The following SLCO1B1 variants were observed in gnomAD, a reference collection of about 807,000 sequenced individuals.
The protein encoded by SLCO1B1 is solute carrier organic anion transporter family member 1B1.
In SLCO1B1, 81 loss-of-function variants were observed where a neutral mutation model predicts 70.1. The observed-to-expected ratio is 1.16, with a 90% CI of 0.97 to 1.39. The LOEUF (loss-of-function observed/expected upper bound fraction) is 1.39. SLCO1B1 is among the 40% of genes most tolerant of loss of function. The pLI is 0.00. For synonymous variants in SLCO1B1, 283 were observed against 271.5 expected, an observed-to-expected ratio of 1.04 and a Z score of -0.42; for missense variants, 895 against 799.6, an observed-to-expected ratio of 1.12 and a Z score of -1.44.
At chr12:21,148,492 G>A (rs1301589666) in intron 2 of SLCO1B1, among the ~76,000 whole-genome samples, 1 of 151,862 alleles carries the variant, frequency 6.6e-6, no homozygotes, top group African/African-American at 2.4e-5. Flanking sequence ...GCTTTTTTTG[G>A]TCAGACTTGT....
intron 2 of SLCO1B1, among the ~76,000 whole-genome samples, chr12:21,147,045 T>C (rs939417373): frequency 5.9e-5 from 9 of 152,176 alleles, no homozygotes; most frequent in Non-Finnish European, 1.2e-4. Flanking sequence ...AGTGTATTCA[T>C]TTATTTCTCC....
In SLCO1B1 at chr12:21,178,606, G is replaced by A. The variant is rs985933022; in HGVS notation, c.512G>A (p.Trp171Ter). 6.2e-6 allele frequency: 10 copies of A among 1,607,734 alleles called. No homozygotes were observed. Among genetic ancestry groups the A allele is most frequent in the Non-Finnish European group, 8.5e-6 (10 of 1,174,442 alleles). ...GCLKESGSYMWIYVFMGNMLR... is the reference protein window; with the variant it reads ...GCLKESGSYM ...TTAAAGGAATCTGGGTCATACATGT[G>A]GATATATGTGTTCATGGGTAATATG... Residue 171 changes from tryptophan to a stop codon, truncating the protein, a stop_gained, in exon 6 of 15, where the codon TGG (tryptophan) becomes TAG (stop). Coordinates refer to ENST00000256958, the MANE Select transcript of SLCO1B1 (RefSeq NM_006446.5). LOFTEE classifies it high-confidence loss of function.
chr12:21,148,932 C>A (rs1218929689), intron 2 of SLCO1B1, among the ~76,000 whole-genome samples: 1 of 151,986 alleles, frequency 6.6e-6, no homozygotes, highest in African/African-American at 2.4e-5. Context: ...TTGAAGAGGT[C>A]CCTCACACCC....
chr12:21,232,555 ATT>A (rs147291781), intron 14 of SLCO1B1, among the ~76,000 whole-genome samples: 12,413 of 152,200 alleles, frequency 0.082, 769 homozygotes, highest in East Asian at 0.27. Context: ...TACTTTCTAC[ATT>A]CTTTCCTATG....
At chr12:21,224,921 T>C in intron 14 of SLCO1B1, 82 bp downstream of exon 14, 1 of 721,986 alleles carries the variant, frequency 1.4e-6, no homozygotes. Context: ...TATATAATAA[T>C]ATTAATAATG....
chr12:21,200,153 C>G (rs1941139666), intron 8 of SLCO1B1, among the ~76,000 whole-genome samples: 1 of 152,058 alleles, frequency 6.6e-6, no homozygotes, highest in Non-Finnish European at 1.5e-5. Context: ...CAGTTGAAAA[C>G]CTAACATTTG....
chr12:21,219,014 T>A (rs1002303835), intron 12 of SLCO1B1, among the ~76,000 whole-genome samples: 1 of 152,208 alleles, frequency 6.6e-6, no homozygotes, highest in Non-Finnish European at 1.5e-5. Context: ...ATTTTTTATG[T>A]CAGGCATAGT....
At chr12:21,178,786 A>G in intron 6 of SLCO1B1, 64 bp downstream of exon 6, 1 of 1,469,124 alleles carries the variant, frequency 6.8e-7, no homozygotes, top group Non-Finnish European at 9.5e-7. Flanking sequence ...GAAATAGTAG[A>G]GTTACTAAAC....
At chr12:21,202,040 T>C (rs879838750) in intron 9 of SLCO1B1, among the ~76,000 whole-genome samples, 1 of 152,146 alleles carries the variant, frequency 6.6e-6, no homozygotes, top group Non-Finnish European at 1.5e-5. Flanking sequence ...TAAAAAAGAA[T>C]GAGTTTATGT....
intron 8 of SLCO1B1, among the ~76,000 whole-genome samples, chr12:21,199,189 A>G (rs1941129101): frequency 6.6e-6 from 1 of 152,146 alleles, no homozygotes; most frequent in African/African-American, 2.4e-5. Flanking sequence ...AGTTCTGACC[A>G]TATCTAATGA....
chr12:21,232,731 G>GAA (rs201831154), intron 14 of SLCO1B1, among the ~76,000 whole-genome samples: 52,112 of 148,542 alleles, frequency 0.35, 9,292 homozygotes, highest in East Asian at 0.46. Context: ...GAGAGACAGA[G>GAA]AGACAGAGAA....
rs191349236 is a variant in SLCO1B1, at chr12:21,187,860, A to G, written c.727+8840A>G. 8.5e-5 allele frequency among the ~76,000 whole-genome samples: 13 copies of G among 152,314 alleles called. No homozygotes were observed. The East Asian group carries it at 2.5e-3, about 29-fold the overall frequency. On this transcript the variant is annotated intron_variant, in intron 7 of 14. Transcript: ENST00000256958. ...GATATCGGTATTGGAGAAATTCAAGAGCTAATTCATACCTCATCAGGGAAG... is the reference window on the plus strand; with the variant it reads ...GATATCGGTATTGGAGAAATTCAAGGGCTAATTCATACCTCATCAGGGAAG...
Position 21,217,288 on chromosome 12 carries a change from T to C in SLCO1B1, c.1667T>C (p.Val556Ala), listed in dbSNP as rs1428437905. ...FFSALGGTSH[V>A]MLIVKIVQPE... ...TCTGCACTTGGAGGCACCTCACATG[T>C]CATGCTGATTGTTAAGTAAGTATGA... Residue 556 changes from valine to alanine, a missense_variant, in exon 12 of 15, where the codon GTC (valine) becomes GCC (alanine). Val to Ala is a moderately conservative substitution (Grantham distance 64). Coordinates refer to ENST00000256958, the MANE Select transcript of SLCO1B1 (RefSeq NM_006446.5). 3.7e-6 allele frequency: 6 copies of C among 1,613,612 alleles called. No individual in the cohort carries two copies. Among genetic ancestry groups the C allele is most frequent in the Middle Eastern group, 1.7e-4 (1 of 6,054 alleles).
At chr12:21,131,749 A>G (rs1211719681) in intron 1 of SLCO1B1, among the ~76,000 whole-genome samples, 1 of 152,112 alleles carries the variant, frequency 6.6e-6, no homozygotes, top group Non-Finnish European at 1.5e-5. Context: ...CTCAAGTTTG[A>G]TACAGGGTGA....
chr12:21,200,808 CAA>C lies in SLCO1B1; in HGVS notation c.1135+138_1135+139del, dbSNP rs576961950. ...AGTATAATTTTCTTGTATTCTTTCT[CAA>C]ATGTTATTAAACATATAAAACTTGT... is the stretch of plus-strand genomic sequence containing the variant. On this transcript the variant is annotated intron_variant, in intron 9 of 14. Transcript: ENST00000256958. 1,110 of 695,332 alleles carry C rather than the reference CAA, an allele frequency of 1.6e-3. 2 individuals carry two copies. Among genetic ancestry groups the C allele is most frequent in the Non-Finnish European group, 2.1e-3 (931 of 442,464 alleles). The allele number at this position is 695,332 out of a possible 1,614,324, so 43.1% of individuals were successfully genotyped here.
At chr12:21,166,268 A>G (rs1940684196) in intron 2 of SLCO1B1, among the ~76,000 whole-genome samples, 1 of 152,166 alleles carries the variant, frequency 6.6e-6, no homozygotes, top group Middle Eastern at 3.2e-3. Context: ...AAGGCCAAAA[A>G]AATAAAAATA....
At chr12:21,216,315 G>A (rs1490920602) in intron 11 of SLCO1B1, among the ~76,000 whole-genome samples, 1 of 152,060 alleles carries the variant, frequency 6.6e-6, no homozygotes, top group African/African-American at 2.4e-5. Flanking sequence ...TGGCAGAACT[G>A]TAGATGTATA....
intron 11 of SLCO1B1, among the ~76,000 whole-genome samples, chr12:21,213,853 G>C (rs1424892403): frequency 6.7e-6 from 1 of 148,854 alleles, no homozygotes; most frequent in East Asian, 2.0e-4. Context: ...CCAGTTGATC[G>C]CATCGGCTCC....
chr12:21,143,964 T>C (rs961033401), intron 2 of SLCO1B1, among the ~76,000 whole-genome samples: 5 of 152,082 alleles, frequency 3.3e-5, no homozygotes, highest in African/African-American at 1.2e-4. Flanking sequence ...AAGTGCAAAT[T>C]GATAATATAT....
Sources: allele counts gnomAD v4.1 joint callset (sites outside exome capture counted in the v4.1 genomes callset), GRCh38; gene constraint gnomAD v4.1.1; transcripts MANE v1.5; gene names NCBI Gene and HGNC (gene_info 2026-07-23, HGNC 2026-07-21).